Variants in PTPRD observed in about 807,000 individuals in gnomAD.
The protein encoded by PTPRD is receptor-type tyrosine-protein phosphatase delta.
Under a neutral mutation model 214.5 loss-of-function variants are expected in PTPRD, and 34 were observed. That is an observed-to-expected ratio of 0.16 (90% CI 0.12 to 0.21). PTPRD has a LOEUF of 0.21. Ranked by LOEUF, PTPRD falls within the 10% of genes least tolerant of loss-of-function variation. PTPRD has a pLI of 1.00. For missense variants in PTPRD, 2,545 were observed against 2,398.7 expected, an observed-to-expected ratio of 1.06 and a Z score of -1.27; for synonymous variants, 1,128 against 845.7, an observed-to-expected ratio of 1.33 and a Z score of -5.79.
At chr9:9,023,665 TC>T (rs1051232214) in intron 10 of PTPRD, among the ~76,000 whole-genome samples, 17 of 151,736 alleles carry the variant, frequency 1.1e-4, no homozygotes, top group Non-Finnish European at 1.9e-4. Context: ...CCGCTCTCCC[TC>T]CCCCGTCTAA....
chr9:10,507,973 T>C (rs1056021911), intron 2 of PTPRD, among the ~76,000 whole-genome samples: 2 of 152,000 alleles, frequency 1.3e-5, no homozygotes, highest in African/African-American at 4.8e-5. Flanking sequence ...CTAAAGAACT[T>C]TGGCACAGCA....
At chr9:8,783,970 G>A (rs968408079) in intron 11 of PTPRD, among the ~76,000 whole-genome samples, 1 of 152,142 alleles carries the variant, frequency 6.6e-6, no homozygotes, top group African/African-American at 2.4e-5. Flanking sequence ...GGTAATTCAC[G>A]AAAGGGTTGT....
chr9:8,981,991 G>T (rs1387659548), intron 11 of PTPRD, among the ~76,000 whole-genome samples: 1 of 151,984 alleles, frequency 6.6e-6, no homozygotes, highest in African/African-American at 2.4e-5. Flanking sequence ...CTTTTTAAAA[G>T]ACTTACTATA....
At chr9:9,392,612 T>C (rs1219958551) in intron 9 of PTPRD, among the ~76,000 whole-genome samples, 1 of 152,110 alleles carries the variant, frequency 6.6e-6, no homozygotes, top group African/African-American at 2.4e-5. Context: ...TCTAGGGTAA[T>C]TTGATAATCA....
At chr9:8,861,839 A>T (rs1393998099) in intron 11 of PTPRD, 1 of 152,174 alleles carries the variant, frequency 6.6e-6, no homozygotes, top group African/African-American at 2.4e-5. Context: ...TAAAACACTA[A>T]ATCTAATATC....
At chr9:10,016,038 T>C (rs190484721) in intron 4 of PTPRD, among the ~76,000 whole-genome samples, 79 of 152,278 alleles carry the variant, frequency 5.2e-4, no homozygotes, top group African/African-American at 1.9e-3. Context: ...CCACCTTCAA[T>C]GACTCCTATT....
chr9:10,003,272 A>G (rs1185053122), intron 4 of PTPRD, among the ~76,000 whole-genome samples: 1 of 151,786 alleles, frequency 6.6e-6, no homozygotes, highest in African/African-American at 2.4e-5. Context: ...GGAATGAGGA[A>G]GTGAGATAAA....
chr9:10,569,550 C>G (rs1004185004), intron 2 of PTPRD, among the ~76,000 whole-genome samples: 1 of 150,758 alleles, frequency 6.6e-6, no homozygotes, highest in Non-Finnish European at 1.5e-5. Context: ...TATATATATA[C>G]AGGCTTTTTA....
chr9:10,065,594 G>T (rs1034493362), intron 3 of PTPRD, among the ~76,000 whole-genome samples: 1 of 151,794 alleles, frequency 6.6e-6, no homozygotes, highest in African/African-American at 2.4e-5. Flanking sequence ...GGGCCTGAAA[G>T]GAAATGTTCT....
intron 3 of PTPRD, among the ~76,000 whole-genome samples, chr9:10,275,120 C>T (rs2094606346): frequency 6.6e-6 from 1 of 152,162 alleles, no homozygotes; most frequent in Admixed American, 6.5e-5. Context: ...AAGGATAGCA[C>T]ATCTAAAAGG....
intron 7 of PTPRD, among the ~76,000 whole-genome samples, chr9:9,643,670 A>G (rs972701521): frequency 1.3e-5 from 2 of 152,182 alleles, no homozygotes; most frequent in South Asian, 4.1e-4. Flanking sequence ...TTCTAAATTA[A>G]AAAGCTTGAA....
At chr9:8,395,912 C>T (rs932592076) in intron 36 of PTPRD, among the ~76,000 whole-genome samples, 4 of 152,014 alleles carry the variant, frequency 2.6e-5, no homozygotes, top group East Asian at 1.9e-4. Context: ...GATAGAGGGG[C>T]GTGCTTTTTG....
chr9:8,685,303 A>G (rs1185961670), intron 12 of PTPRD, among the ~76,000 whole-genome samples: 1 of 152,192 alleles, frequency 6.6e-6, no homozygotes, highest in Non-Finnish European at 1.5e-5. Context: ...AGTAGAGACA[A>G]AGCAAGGCCC....
chr9:10,357,945 A>T (rs7867676), intron 2 of PTPRD, among the ~76,000 whole-genome samples: 1 of 152,002 alleles, frequency 6.6e-6, no homozygotes, highest in Admixed American at 6.5e-5. Context: ...TCCAAGCTAA[A>T]GCAATATTGA....
chr9:10,468,149 G>A (rs1240118246), intron 2 of PTPRD, among the ~76,000 whole-genome samples: 12 of 152,138 alleles, frequency 7.9e-5, no homozygotes, highest in Non-Finnish European at 1.6e-4. Flanking sequence ...TCCTGTTACT[G>A]GGTATATACC....
chr9:10,019,684 A>G (rs2096803707), intron 4 of PTPRD, among the ~76,000 whole-genome samples: 1 of 151,948 alleles, frequency 6.6e-6, no homozygotes, highest in Non-Finnish European at 1.5e-5. Context: ...AGGACAAAAA[A>G]CTAAACACCG....
chr9:8,699,288 A>G (rs1041674088), intron 12 of PTPRD, among the ~76,000 whole-genome samples: 7 of 152,196 alleles, frequency 4.6e-5, no homozygotes, highest in African/African-American at 1.7e-4. Flanking sequence ...GGTTTCTTGC[A>G]GGGCCTTTCA....
At chr9:9,234,989 G>A (rs544951238) in intron 9 of PTPRD, among the ~76,000 whole-genome samples, 1 of 152,088 alleles carries the variant, frequency 6.6e-6, no homozygotes, top group Non-Finnish European at 1.5e-5. Flanking sequence ...CCAATTTATT[G>A]TATTAGTTCA....
intron 31 of PTPRD, among the ~76,000 whole-genome samples, chr9:8,468,616 TAC>T (rs2096590855): frequency 6.6e-6 from 1 of 151,866 alleles, no homozygotes; most frequent in Non-Finnish European, 1.5e-5. Flanking sequence ...ATATGAGGTA[TAC>T]GTGTGGAAAT....
Sources: allele counts gnomAD v4.1 joint callset (sites outside exome capture counted in the v4.1 genomes callset), GRCh38; gene constraint gnomAD v4.1.1; transcripts MANE v1.5; gene names NCBI Gene and HGNC (gene_info 2026-07-23, HGNC 2026-07-21).